The following CCNE2 variants were observed in gnomAD, a reference collection of about 807,000 sequenced individuals.
CCNE2 encodes cyclin E2.
CCNE2 carries 18 observed loss-of-function variants against 56.8 expected under a neutral mutation model. The ratio of observed to expected loss-of-function variants is 0.32; its 90% CI spans 0.22 to 0.47. CCNE2 has a LOEUF of 0.47. Ranked by LOEUF, CCNE2 falls within the 20% of genes least tolerant of loss-of-function variation. CCNE2 has a pLI of 1.00. For synonymous variants in CCNE2, 139 were observed against 149.2 expected, an observed-to-expected ratio of 0.93 and a Z score of 0.50; for missense variants, 371 against 467.1, an observed-to-expected ratio of 0.79 and a Z score of 1.90.
Position 94,881,590 on chromosome 8 carries a change from C to T in CCNE2, c.*42G>A, listed in dbSNP as rs563657635. On this transcript the variant is annotated 3_prime_UTR_variant, in exon 12 of 12. Coordinates refer to ENST00000308108, the MANE Select transcript of CCNE2 (RefSeq NM_057749.3). ...AGTAGTTCAGTGATACCAGTTCTAC[C>T]CAATCTTGGTGAATTCCAACTTGTT... 1 of 1,603,858 alleles carries T rather than the reference C, an allele frequency of 6.2e-7. No individual in the cohort carries two copies. The highest frequency in any genetic ancestry group is 8.5e-7 in the Non-Finnish European group (1 of 1,174,666).
chr8:94,892,004 G>A (rs1817265572), intron 5 of CCNE2: 3 of 869,424 alleles, frequency 3.5e-6, no homozygotes, highest in Non-Finnish European at 5.7e-6. Context: ...ATGATCTTTA[G>A]TGAAAAGGAA....
chr8:94,894,255 G>T lies in CCNE2; in HGVS notation c.-26-8C>A. 1 of 1,612,762 alleles carries T rather than the reference G, an allele frequency of 6.2e-7. No individual in the cohort carries two copies. Among genetic ancestry groups the T allele is most frequent in the Middle Eastern group, 1.9e-4 (1 of 5,332 alleles). On this transcript the variant is annotated splice_polypyrimidine_tract_variant and splice_region_variant and intron_variant, in intron 1 of 11. Transcript: ENST00000308108. ...TTCAGGTGTATAAAACCTCTGAAGG[G>T]GGGAGAGGAAAAGCCGCAGTCAAGT...
chr8:94,886,106 A>G (rs1817028195), intron 7 of CCNE2, among the ~76,000 whole-genome samples: 1 of 152,188 alleles, frequency 6.6e-6, no homozygotes, highest in Admixed American at 6.5e-5. Flanking sequence ...GTTTTCAACC[A>G]TCATAAAGTC....
intron 6 of CCNE2, among the ~76,000 whole-genome samples, chr8:94,889,440 T>A (rs1228322381): frequency 6.6e-6 from 1 of 152,182 alleles, no homozygotes; most frequent in Non-Finnish European, 1.5e-5. Flanking sequence ...AATTAAAAAT[T>A]AACATAATTG....
At chr8:94,891,925 A>T in intron 5 of CCNE2, 1 of 1,248,666 alleles carries the variant, frequency 8.0e-7, no homozygotes. Context: ...AGCACCTACG[A>T]TGTGCCAACG....
chr8:94,892,001 T>G, intron 5 of CCNE2: 1 of 887,716 alleles, frequency 1.1e-6, no homozygotes, highest in Middle Eastern at 3.5e-4. Context: ...GAAATGATCT[T>G]TAGTGAAAAG....
Position 94,881,550 on chromosome 8 carries a change from T to C in CCNE2, c.*82A>G. 1 of 1,431,898 alleles carries C rather than the reference T, an allele frequency of 7.0e-7. No individual in the cohort carries two copies. Among genetic ancestry groups the C allele is most frequent in the Non-Finnish European group, 9.6e-7 (1 of 1,041,382 alleles). 88.7% of individuals were successfully genotyped at this position (1,431,898 alleles called of 1,614,324 possible). A position where few individuals can be genotyped will look rare whatever the true frequency, so the allele number is the denominator to read the frequency against. On this transcript the variant is annotated 3_prime_UTR_variant, in exon 12 of 12. Transcript: ENST00000308108. ...CTAGGGCAATCAATCACAGCACTAC[T>C]TTCTGTAAAACTTTAGTAGTTCAGT...
Position 94,887,314 on chromosome 8 carries a change from G to A in CCNE2, c.600+613C>T, listed in dbSNP as rs556477104. Among the ~76,000 whole-genome samples, 67 of 152,242 alleles carry A rather than the reference G, an allele frequency of 4.4e-4. No individual in the cohort carries two copies. In the South Asian group the frequency reaches 0.013, roughly 30 times the overall value. ...TGAGTCAGGAGTTCAAGACCAGCCT[G>A]GCCAACATGGTGAAACCCCATCTCT... On this transcript the variant is annotated intron_variant, in intron 7 of 11. Transcript: ENST00000308108.
In CCNE2 at chr8:94,891,799, T is replaced by C. The variant is rs1586556328; in HGVS notation, c.317+1019A>G. The C allele has an allele frequency of 2.0e-6, 3 of 1,527,116 alleles. No homozygotes were observed. The East Asian group carries it at 6.8e-5, about 35-fold the overall frequency. The allele number at this position is 1,527,116 out of a possible 1,614,324, so 94.6% of individuals were successfully genotyped here. On this transcript the variant is annotated intron_variant, in intron 5 of 11. Transcript: ENST00000308108. ...GCAGTGGGACTGGACACAAGGTTGGTGGCCCAAAAAGAGTGCTGAATTTTT... is the reference window on the plus strand; with the variant it reads ...GCAGTGGGACTGGACACAAGGTTGGCGGCCCAAAAAGAGTGCTGAATTTTT...
At chr8:94,890,268 G>T in intron 6 of CCNE2, 147 bp downstream of exon 6, 1 of 558,430 alleles carries the variant, frequency 1.8e-6, no homozygotes, top group Non-Finnish European at 3.0e-6. Flanking sequence ...TTCCACTTTG[G>T]GTGCAATCAA....
Position 94,890,500 on chromosome 8 carries a change from C to T in CCNE2, c.368G>A (p.Arg123Lys). The T allele has an allele frequency of 1.2e-6, 2 of 1,602,914 alleles. No homozygotes were observed. Among genetic ancestry groups the T allele is most frequent in the Non-Finnish European group, 1.7e-6 (2 of 1,173,834 alleles). ...TTCAAAATGTTTGTCATGAACATAT[C>T]TGCTCTCCTTTTTTAACATGTTTAG... ...VWLNMLKKESRYVHDKHFEVL... is the reference protein window; with the variant it reads ...VWLNMLKKESKYVHDKHFEVL... The change falls in exon 6 of 12, where the codon AGA becomes AAA. Residue 123 changes from arginine (R) to lysine (K), a missense_variant. Transcript: ENST00000308108.
In CCNE2 at chr8:94,881,509, G is replaced by GT. The variant is rs1391876516; in HGVS notation, c.*122dup. The GT allele has an allele frequency of 1.2e-6, 1 of 854,444 alleles. No individual in the cohort carries two copies. Among genetic ancestry groups the GT allele is most frequent in the African/African-American group, 1.7e-5 (1 of 58,248 alleles). 52.9% of individuals were successfully genotyped at this position (854,444 alleles called of 1,614,324 possible). ...TAAGTTTTAAAATCAGAATGGCAGT[G>GT]TAACTTGTGAATTGGCTAGGGCAAT... On this transcript the variant is annotated 3_prime_UTR_variant, in exon 12 of 12. Coordinates refer to ENST00000308108, the MANE Select transcript of CCNE2 (RefSeq NM_057749.3).
At chr8:94,882,591 T>A (rs1489783571) in intron 10 of CCNE2, among the ~76,000 whole-genome samples, 190 bp downstream of exon 10, 1 of 152,238 alleles carries the variant, frequency 6.6e-6, no homozygotes, top group Admixed American at 6.5e-5. Context: ...GTATTTAAAT[T>A]CCATTTGGTC....
chr8:94,894,223 C>T lies in CCNE2; in HGVS notation c.-2G>A. On this transcript the variant is annotated 5_prime_UTR_variant, in exon 2 of 12. Coordinates refer to ENST00000308108, the MANE Select transcript of CCNE2 (RefSeq NM_057749.3). ...ATAATGTTACCTTCGTCTTGACATT[C>T]TCTTCTTTCAGGTGTATAAAACCTC... 6.2e-7 allele frequency: 1 copy of T among 1,614,046 alleles called. No individual in the cohort carries two copies. The highest frequency in any genetic ancestry group is 8.5e-7 in the Non-Finnish European group (1 of 1,179,996).
chr8:94,888,593 T>G (rs1039725944), intron 6 of CCNE2, among the ~76,000 whole-genome samples: 17 of 151,832 alleles, frequency 1.1e-4, no homozygotes, highest in Admixed American at 1.1e-3. Context: ...TGGAGTGCAG[T>G]GGCTCACTGC....
Position 94,888,223 on chromosome 8 carries a change from T to C in CCNE2, c.454-150A>G, listed in dbSNP as rs183486823. 7.5e-5 allele frequency: 39 copies of C among 517,638 alleles called. No individual in the cohort carries two copies. The East Asian group carries it at 1.4e-3, about 18-fold the overall frequency. 32.1% of individuals were successfully genotyped at this position (517,638 alleles called of 1,614,324 possible). A position where few individuals can be genotyped will look rare whatever the true frequency, so the allele number is the denominator to read the frequency against. On this transcript the variant is annotated intron_variant, in intron 6 of 11. Transcript: ENST00000308108. ...AGGAAAAAAAGAAACTAAGATGTAC[T>C]ATTAGGATAAACAAATCTATTACTA...
At chr8:94,896,099 C>G (rs111904972), upstream of CCNE2, among the ~76,000 whole-genome samples, 123 of 152,306 alleles carry the variant, frequency 8.1e-4, no homozygotes, top group African/African-American at 2.7e-3. Flanking sequence ...CTTGCTTCCT[C>G]TCTTCTCCAC....
rs1426746710 is a variant in CCNE2 at position 94,890,302 on chromosome 8, A to T, written c.453+113T>A. The T allele has an allele frequency of 4.5e-6, 4 of 896,024 alleles. No individual in the cohort carries two copies. In the African/African-American group the frequency reaches 5.2e-5, roughly 12 times the overall value. 55.5% of individuals were successfully genotyped at this position (896,024 alleles called of 1,614,324 possible). A position where few individuals can be genotyped will look rare whatever the true frequency, so the allele number is the denominator to read the frequency against. On this transcript the variant is annotated intron_variant, in intron 6 of 11. Coordinates refer to ENST00000308108, the MANE Select transcript of CCNE2 (RefSeq NM_057749.3). ...AACTACAGTAAGTACCTCAAAAAAG[A>T]CAGCTTCCTGGGGATGAACAATAAA...
intron 11 of CCNE2, 88 bp downstream of exon 11, chr8:94,882,044 G>T: frequency 7.9e-7 from 1 of 1,271,730 alleles, no homozygotes; most frequent in Non-Finnish European, 1.1e-6. Context: ...CCCTGAAACT[G>T]CCTGAAGGAG....
Sources: allele counts gnomAD v4.1 joint callset (sites outside exome capture counted in the v4.1 genomes callset), GRCh38; gene constraint gnomAD v4.1.1; transcripts MANE v1.5; gene names NCBI Gene and HGNC (gene_info 2026-07-23, HGNC 2026-07-21).